The following RHOU variants were observed in gnomAD, a reference collection of about 807,000 sequenced individuals.
RHOU encodes the protein ras homolog family member U, also known as rho-related GTP-binding protein RhoU.
A neutral mutation model predicts 12.6 loss-of-function variants in RHOU; 8 were observed. The ratio of observed to expected loss-of-function variants is 0.64; its 90% CI spans 0.37 to 1.15. RHOU has a LOEUF of 1.15. RHOU is among the 50% of genes most tolerant of loss of function. The pLI is 0.01. For missense variants in RHOU, 258 were observed against 347.0 expected (o/e 0.74, Z 2.04); for synonymous variants, 161 against 147.4 (o/e 1.09, Z -0.67).
the RHOU span, among the ~76,000 whole-genome samples, chr1:228,709,699 A>T: frequency 3.3e-5 from 5 of 149,996 alleles, no homozygotes; most frequent in Non-Finnish European, 7.4e-5. Flanking sequence ...TGCCCACAAG[A>T]GAAAGCAGGA....
At chr1:228,734,744 A>G (rs957254884), upstream of RHOU, among the ~76,000 whole-genome samples, 1 of 152,226 alleles carries the variant, frequency 6.6e-6, no homozygotes, top group East Asian at 1.9e-4. Flanking sequence ...CACATGTAGA[A>G]GGAAGGCAGA....
At chr1:228,653,093 T>C in the RHOU span, among the ~76,000 whole-genome samples, 1 of 152,242 alleles carries the variant, frequency 6.6e-6, no homozygotes, top group Non-Finnish European at 1.5e-5. Flanking sequence ...AAGGGGTTTA[T>C]AGATACTGTA....
the RHOU span, chr1:228,650,305 G>T: frequency 2.2e-6 from 1 of 464,470 alleles, no homozygotes. Context: ...GGCAGCGGCG[G>T]GCTGGATGGT....
the RHOU span, among the ~76,000 whole-genome samples, chr1:228,694,506 T>C: frequency 7.2e-5 from 11 of 152,266 alleles, no homozygotes; most frequent in African/African-American, 2.6e-4. Context: ...CCCCAGCTTG[T>C]GTTGTTCCCC....
chr1:228,653,311 T>C, the RHOU span, among the ~76,000 whole-genome samples: 2 of 152,124 alleles, frequency 1.3e-5, no homozygotes, highest in Non-Finnish European at 2.9e-5. Flanking sequence ...GGTGCCATCA[T>C]GTCGGACTAA....
the RHOU span, among the ~76,000 whole-genome samples, chr1:228,699,538 A>T: frequency 6.6e-6 from 1 of 151,500 alleles, no homozygotes; most frequent in Non-Finnish European, 1.5e-5. Flanking sequence ...TGTTATTAGA[A>T]GCATAGGCCT....
the RHOU span, among the ~76,000 whole-genome samples, chr1:228,674,549 T>G: frequency 1.3e-5 from 2 of 151,786 alleles, no homozygotes; most frequent in African/African-American, 4.8e-5. Context: ...TTTCACCATG[T>G]TGTCCAGGCT....
At chr1:228,683,130 A>T in the RHOU span, among the ~76,000 whole-genome samples, 1 of 149,452 alleles carries the variant, frequency 6.7e-6, no homozygotes, top group South Asian at 2.1e-4. Flanking sequence ...GGCTGGAGTC[A>T]ACTACACCTG....
At chr1:228,648,929 A>G in the RHOU span, among the ~76,000 whole-genome samples, 1 of 150,210 alleles carries the variant, frequency 6.7e-6, no homozygotes, top group Non-Finnish European at 1.5e-5. Flanking sequence ...GCAGTGTTCG[A>G]TCTCGGCTCA....
Position 228,737,701 on chromosome 1 carries a change from G to T in RHOU, c.291G>T (p.Val97=). ...SAVVSVDGRP[V]RLQLCDTAGQ... is the part of the protein sequence containing the mutation. ...TGGTGTCTGTGGATGGGCGGCCCGT[G>T]AGACTCCAACTCTGTGACACTGCCG... Residue 97 remains valine, a synonymous_variant, in exon 2 of 3, where the codon GTG becomes GTT. Coordinates refer to ENST00000366691, the MANE Select transcript of RHOU (RefSeq NM_021205.6). The surrounding 1 kb of genome is among the most constrained non-coding windows in gnomAD (Gnocchi z 4.1). 3 of 1,614,168 alleles carry T rather than the reference G, an allele frequency of 1.9e-6. No individual in the cohort carries two copies. The highest frequency in any genetic ancestry group is 2.5e-6 in the Non-Finnish European group (3 of 1,180,030).
chr1:228,723,304 G>T, the RHOU span, among the ~76,000 whole-genome samples: 1 of 152,238 alleles, frequency 6.6e-6, no homozygotes, highest in Admixed American at 6.5e-5. Context: ...CCAAAGCCAG[G>T]AGAGGAGACC....
At chr1:228,697,016 C>T in the RHOU span, among the ~76,000 whole-genome samples, 1 of 152,180 alleles carries the variant, frequency 6.6e-6, no homozygotes, top group Admixed American at 6.5e-5. Context: ...TTCCTGGTGT[C>T]AGTGCTCCCA....
At chr1:228,650,244 G>GCGCTGGGT in the RHOU span, 6 of 457,836 alleles carry the variant, frequency 1.3e-5, no homozygotes, top group Admixed American at 2.3e-5. Flanking sequence ...GGAGTACGTG[G>GCGCTGGGT]CGCTGGGTCG....
At chr1:228,687,030 G>A in the RHOU span, among the ~76,000 whole-genome samples, 132 of 152,208 alleles carry the variant, frequency 8.7e-4, 1 homozygote, top group Middle Eastern at 0.014. Context: ...GTGAGCCACC[G>A]TGCCTGGCCG....
chr1:228,702,667 G>A, the RHOU span, among the ~76,000 whole-genome samples: 1 of 152,176 alleles, frequency 6.6e-6, no homozygotes, highest in Admixed American at 6.5e-5. Flanking sequence ...GCATAAACCT[G>A]TCTGACCAGT....
the RHOU span, among the ~76,000 whole-genome samples, chr1:228,671,583 G>A: frequency 6.6e-6 from 1 of 151,570 alleles, no homozygotes; most frequent in Non-Finnish European, 1.5e-5. Flanking sequence ...CCAGCATGGT[G>A]GTGGGTGCCT....
chr1:228,727,034 A>G, the RHOU span, among the ~76,000 whole-genome samples: 711 of 152,242 alleles, frequency 4.7e-3, 2 homozygotes, highest in Non-Finnish European at 7.3e-3. Flanking sequence ...CTTGCATTAC[A>G]GATATTTTAC....
chr1:228,743,524 G>T lies in RHOU; in HGVS notation c.561G>T (p.Ala187=), dbSNP rs760051743. 3 of 1,614,156 alleles carry T rather than the reference G, an allele frequency of 1.9e-6. No homozygotes were observed. Among genetic ancestry groups the T allele is most frequent in the Non-Finnish European group, 2.5e-6 (3 of 1,180,040 alleles). ...AAGAAAAGCCAGTGCCTGAAGAGGC[G>T]GCTAAGCTGTGCGCCGAGGAAATCA... The part of the protein sequence containing the change: ...KCKEKPVPEE[A]AKLCAEEIKA... The change falls in exon 3 of 3, where the codon GCG becomes GCT. Residue 187 remains alanine, a synonymous_variant. Transcript: ENST00000366691. This position sits in a 1 kb window ranked among gnomAD's most constrained non-coding sequence, Gnocchi z 5.1.
At chr1:228,732,685 C>T (rs893428346), upstream of RHOU, among the ~76,000 whole-genome samples, 5 of 151,802 alleles carry the variant, frequency 3.3e-5, no homozygotes, top group South Asian at 2.1e-4. Flanking sequence ...AATGAGTGGG[C>T]GTGGGATGAT....
Sources: allele counts gnomAD v4.1 joint callset (sites outside exome capture counted in the v4.1 genomes callset), GRCh38; gene constraint gnomAD v4.1.1; non-coding constraint Gnocchi (gnomAD v3.1); transcripts MANE v1.5; gene names NCBI Gene and HGNC (gene_info 2026-07-23, HGNC 2026-07-21).